Variants in FHIT observed in about 807,000 individuals in gnomAD.
The protein encoded by FHIT is bis(5'-adenosyl)-triphosphatase.
Under a neutral mutation model 17.9 loss-of-function variants are expected in FHIT, and 19 were observed. The observed-to-expected ratio is 1.06, with a 90% CI of 0.74 to 1.56. FHIT has a LOEUF of 1.56. Among genes scored for constraint, FHIT ranks in the 40% most tolerant of loss-of-function variants. FHIT has a pLI of 0.00. For synonymous variants in FHIT, 81 were observed against 69.7 expected, an observed-to-expected ratio of 1.16 and a Z score of -0.81; for missense variants, 248 against 189.2, an observed-to-expected ratio of 1.31 and a Z score of -1.82.
chr3:60,883,854 A>C (rs568356252), intron 3 of FHIT, among the ~76,000 whole-genome samples: 49 of 152,288 alleles, frequency 3.2e-4, no homozygotes, highest in African/African-American at 1.2e-3. Flanking sequence ...AGGTTAAAAT[A>C]GACAAATGGG....
chr3:59,978,459 AAAT>A (rs1338338099), intron 7 of FHIT, among the ~76,000 whole-genome samples: 14 of 152,006 alleles, frequency 9.2e-5, no homozygotes, highest in Admixed American at 6.6e-5. Context: ...CCCATGATGT[AAAT>A]ATTTTAAATA....
chr3:60,694,234 T>A (rs2041062130), intron 4 of FHIT, among the ~76,000 whole-genome samples: 1 of 152,020 alleles, frequency 6.6e-6, no homozygotes, highest in East Asian at 1.9e-4. Context: ...GAGCTATGTT[T>A]AGGCTCCTCA....
intron 3 of FHIT, among the ~76,000 whole-genome samples, chr3:61,032,500 C>T (rs933260412): frequency 4.6e-5 from 7 of 152,146 alleles, no homozygotes; most frequent in African/African-American, 1.7e-4. Context: ...CAGAAGTCAC[C>T]CCTAAGAACT....
At chr3:59,970,052 C>T (rs1002156556) in intron 7 of FHIT, among the ~76,000 whole-genome samples, 3 of 152,050 alleles carry the variant, frequency 2.0e-5, no homozygotes, top group African/African-American at 7.2e-5. Flanking sequence ...ACCTCCCTAA[C>T]CTGCCTTAAG....
chr3:60,916,673 A>T (rs1575685521), intron 3 of FHIT, among the ~76,000 whole-genome samples: 1 of 152,354 alleles, frequency 6.6e-6, no homozygotes, highest in Admixed American at 6.5e-5. Context: ...AGCCATCCAC[A>T]AGTGCATATT....
At chr3:59,904,430 C>G (rs1274982567) in intron 8 of FHIT, among the ~76,000 whole-genome samples, 4 of 151,898 alleles carry the variant, frequency 2.6e-5, no homozygotes, top group African/African-American at 9.7e-5. Context: ...CTGTCAGAAA[C>G]AGATTGGAGA....
chr3:60,915,536 G>A (rs535110821), intron 3 of FHIT, among the ~76,000 whole-genome samples: 1 of 151,980 alleles, frequency 6.6e-6, no homozygotes, highest in African/African-American at 2.4e-5. Context: ...CCATTTATTC[G>A]AACAGATAGC....
chr3:60,565,226 T>G (rs1464828491), intron 4 of FHIT, among the ~76,000 whole-genome samples: 2 of 152,156 alleles, frequency 1.3e-5, no homozygotes, highest in Non-Finnish European at 2.9e-5. Flanking sequence ...GAAACTAAAA[T>G]TCACATGACT....
intron 2 of FHIT, among the ~76,000 whole-genome samples, chr3:61,151,575 C>CTTTTCTTTTCTTTT (rs2037391413): frequency 7.7e-6 from 1 of 129,266 alleles, no homozygotes; most frequent in Non-Finnish European, 1.7e-5. Context: ...CTTTTCTTTT[C>CTTTTCTTTTCTTTT]TTTTTTTTTT....
intron 8 of FHIT, among the ~76,000 whole-genome samples, chr3:59,807,210 G>A (rs1700237505): frequency 6.6e-6 from 1 of 152,218 alleles, no homozygotes. Flanking sequence ...TTATGGGGCA[G>A]CATTTAATCA....
At chr3:60,108,466 C>A (rs1704523687) in intron 5 of FHIT, among the ~76,000 whole-genome samples, 1 of 152,064 alleles carries the variant, frequency 6.6e-6, no homozygotes, top group Non-Finnish European at 1.5e-5. Flanking sequence ...ATCTAGTACC[C>A]ACCCCTGTGT....
chr3:61,038,406 C>T (rs2033356189), intron 3 of FHIT, among the ~76,000 whole-genome samples: 1 of 152,184 alleles, frequency 6.6e-6, no homozygotes, highest in Non-Finnish European at 1.5e-5. Context: ...GCTTCTATAA[C>T]AAGTCTACAG....
chr3:61,050,476 T>G (rs576236558), intron 2 of FHIT, among the ~76,000 whole-genome samples: 2 of 152,298 alleles, frequency 1.3e-5, no homozygotes, highest in Admixed American at 1.3e-4. Context: ...GGACTGGATA[T>G]TAGAAAATAT....
chr3:61,132,242 C>G (rs1235386232), intron 2 of FHIT, among the ~76,000 whole-genome samples: 1 of 152,176 alleles, frequency 6.6e-6, no homozygotes, highest in Admixed American at 6.5e-5. Context: ...CATGGGCCAC[C>G]CACATGTCTT....
intron 4 of FHIT, among the ~76,000 whole-genome samples, chr3:60,786,888 T>C (rs1700597794): frequency 1.4e-5 from 2 of 147,872 alleles, no homozygotes; most frequent in South Asian, 4.2e-4. Flanking sequence ...TAAAAGAAGA[T>C]AAAACTTGTG....
intron 3 of FHIT, among the ~76,000 whole-genome samples, chr3:61,026,356 C>A (rs898754392): frequency 1.3e-5 from 2 of 152,094 alleles, no homozygotes; most frequent in African/African-American, 2.4e-5. Flanking sequence ...TCTCTCCGAG[C>A]CTTGGTTTCC....
chr3:60,822,711 C>T (rs2594140), intron 3 of FHIT, among the ~76,000 whole-genome samples: 107,241 of 151,878 alleles, frequency 0.71, 39,329 homozygotes, highest in Middle Eastern at 0.87. Flanking sequence ...GAATAAAGTA[C>T]CAAGTACAGT....
intron 4 of FHIT, chr3:60,730,146 G>T: frequency 2.1e-6 from 1 of 466,026 alleles, no homozygotes; most frequent in South Asian, 1.7e-5. Context: ...AGCACCGAAG[G>T]ACCACTGGGC....
chr3:61,182,096 C>T (rs979128238), intron 2 of FHIT, among the ~76,000 whole-genome samples: 1 of 152,144 alleles, frequency 6.6e-6, no homozygotes, highest in Admixed American at 6.5e-5. Flanking sequence ...TAACCATTAA[C>T]TGAAAGAGAA....
Sources: gnomAD v4.1 joint callset for allele counts (sites outside exome capture counted in the v4.1 genomes callset) on GRCh38, gnomAD v4.1.1 for gene constraint, MANE v1.5 for transcripts, NCBI Gene and HGNC (gene_info 2026-07-23, HGNC 2026-07-21) for gene names.